The following UMAD1 variants were observed in gnomAD, a reference collection of about 807,000 sequenced individuals.
UMAD1 encodes the protein UBAP1-MVB12-associated (UMA) domain containing 1.
A neutral mutation model predicts 6.1 loss-of-function variants in UMAD1; 8 were observed. That is an observed-to-expected ratio of 1.30 (90% CI 0.76 to 2.35). The LOEUF is 2.35. Ranked by LOEUF, UMAD1 falls within the 30% of genes most tolerant of loss-of-function variation. The probability of loss-of-function intolerance (pLI) is 0.00; values close to 1 mark genes in which losing one functional copy is unlikely to be tolerated. For missense variants in UMAD1, 130 were observed against 78.4 expected, an observed-to-expected ratio of 1.66 and a Z score of -2.49; for synonymous variants, 56 against 31.4, an observed-to-expected ratio of 1.78 and a Z score of -2.61.
intron 2 of UMAD1, among the ~76,000 whole-genome samples, chr7:7,734,902 C>A (rs573729979): frequency 6.6e-6 from 1 of 152,188 alleles, no homozygotes; most frequent in Admixed American, 6.5e-5. Context: ...CAGGAAATAT[C>A]TAAGACTACT....
In UMAD1 at chr7:7,734,135, T is replaced by C. The variant is rs115216354; in HGVS notation, c.82+60682T>C. 5.4e-3 allele frequency among the ~76,000 whole-genome samples: 828 copies of C among 152,292 alleles called. 11 individuals are homozygous for C. The highest frequency in any genetic ancestry group is 0.019 in the African/African-American group (787 of 41,582). On this transcript the variant is annotated intron_variant, in intron 2 of 3. Transcript: ENST00000682710. The stretch of plus-strand genomic sequence containing the variant: ...ATTATCAAAGTTCTTTCAGAGTTAC[T>C]GCAGGGCTATAGGCTTAAGTTCTTT...
At chr7:7,647,412 A>G (rs910458259) in intron 1 of UMAD1, among the ~76,000 whole-genome samples, 4 of 152,232 alleles carry the variant, frequency 2.6e-5, no homozygotes, top group African/African-American at 7.2e-5. Flanking sequence ...TATTAGGAAC[A>G]TGGACAATTT....
chr7:7,786,757 C>G (rs1244694209), intron 2 of UMAD1, among the ~76,000 whole-genome samples: 1 of 152,164 alleles, frequency 6.6e-6, no homozygotes, highest in Non-Finnish European at 1.5e-5. Flanking sequence ...AGATGCCTTG[C>G]TCTCACTGGG....
chr7:7,772,727 C>T (rs1026244891), intron 2 of UMAD1, among the ~76,000 whole-genome samples: 3 of 152,148 alleles, frequency 2.0e-5, no homozygotes, highest in East Asian at 1.9e-4. Context: ...GGAGCAGCTG[C>T]GCCCGTTTTC....
At chr7:7,732,392 A>G (rs1781276440) in intron 2 of UMAD1, among the ~76,000 whole-genome samples, 1 of 152,162 alleles carries the variant, frequency 6.6e-6, no homozygotes, top group Non-Finnish European at 1.5e-5. Flanking sequence ...AACCTGGGAT[A>G]AATAATAAAG....
chr7:7,757,610 C>T (rs1781802543), intron 2 of UMAD1, among the ~76,000 whole-genome samples: 1 of 152,180 alleles, frequency 6.6e-6, no homozygotes, highest in Non-Finnish European at 1.5e-5. Flanking sequence ...TGGTCATTCT[C>T]ATTTTAGATA....
chr7:7,823,521 A>G (rs549149752), intron 3 of UMAD1, among the ~76,000 whole-genome samples: 1 of 152,104 alleles, frequency 6.6e-6, no homozygotes, highest in South Asian at 2.1e-4. Flanking sequence ...CGTTTGCCCA[A>G]TTTTTTTGAA....
At chr7:7,688,145 G>T (rs529674318) in intron 2 of UMAD1, among the ~76,000 whole-genome samples, 2 of 152,268 alleles carry the variant, frequency 1.3e-5, no homozygotes, top group African/African-American at 4.8e-5. Flanking sequence ...TATTTTTGGG[G>T]GGAGAACATT....
In UMAD1 at chr7:7,877,358, C is replaced by G; in HGVS notation, c.234C>G (p.Asn78Lys). 1.4e-6 allele frequency: 1 copy of G among 717,542 alleles called. No individual in the cohort carries two copies. Among genetic ancestry groups the G allele is most frequent in the South Asian group, 1.5e-5 (1 of 67,608 alleles). 44.4% of individuals were successfully genotyped at this position (717,542 alleles called of 1,614,324 possible). A position where few individuals can be genotyped will look rare whatever the true frequency, so the allele number is the denominator to read the frequency against. ...ATAAGGCAGGCCAGACTCTGGAGAACAGCTCATTAATGGCCGAGCTCCTGA... is the reference window on the plus strand; with the variant it reads ...ATAAGGCAGGCCAGACTCTGGAGAAGAGCTCATTAATGGCCGAGCTCCTGA... ...MENKAGQTLENSSLMAELLSD... is the reference protein window; with the variant it reads ...MENKAGQTLEKSSLMAELLSD... The change falls in exon 4 of 4, where the codon AAC becomes AAG. Residue 78 changes from asparagine (N) to lysine (K), a missense_variant. Coordinates refer to ENST00000682710, the MANE Select transcript of UMAD1 (RefSeq NM_001302348.2).
chr7:7,838,202 A>G (rs1783607358), intron 3 of UMAD1, among the ~76,000 whole-genome samples: 1 of 152,180 alleles, frequency 6.6e-6, no homozygotes, highest in African/African-American at 2.4e-5. Flanking sequence ...GGGCGCATAT[A>G]GTCTGTTTTG....
chr7:7,816,052 G>A (rs1156649393), intron 3 of UMAD1, among the ~76,000 whole-genome samples: 1 of 151,994 alleles, frequency 6.6e-6, no homozygotes, highest in African/African-American at 2.4e-5. Flanking sequence ...AAAAAATCTT[G>A]GATAAGCTAA....
intron 2 of UMAD1, among the ~76,000 whole-genome samples, chr7:7,745,231 T>G (rs1300875740): frequency 6.6e-6 from 1 of 152,098 alleles, no homozygotes; most frequent in African/African-American, 2.4e-5. Flanking sequence ...GAGGGGAGGT[T>G]GGCCTTGCTG....
chr7:7,843,742 A>C lies in UMAD1; in HGVS notation c.157-33539A>C, dbSNP rs527849915. On this transcript the variant is annotated intron_variant, in intron 3 of 3. Coordinates refer to ENST00000682710, the MANE Select transcript of UMAD1 (RefSeq NM_001302348.2). Reference sequence around the variant, plus strand: ...AGTGAGGATTCCTTATCACTTTGTGATTCTTAGATAAAATCCTTTCCATCC... The same window carrying C: ...AGTGAGGATTCCTTATCACTTTGTGCTTCTTAGATAAAATCCTTTCCATCC... 4.6e-5 allele frequency among the ~76,000 whole-genome samples: 7 copies of C among 152,268 alleles called. No individual in the cohort carries two copies. The East Asian group carries it at 1.4e-3, about 29-fold the overall frequency.
rs557762237 is a variant in UMAD1, at chr7:7,729,227, C to G, written c.82+55774C>G. On this transcript the variant is annotated intron_variant, in intron 2 of 3. Transcript: ENST00000682710. ...GCCCTTCCACTGATGTGCAGAGAGCCAGGATGGAGCATGGAACATGATGAG... is the reference window on the plus strand; with the variant it reads ...GCCCTTCCACTGATGTGCAGAGAGCGAGGATGGAGCATGGAACATGATGAG... 5.0e-4 allele frequency among the ~76,000 whole-genome samples: 76 copies of G among 152,182 alleles called. 1 individual carries two copies. Among genetic ancestry groups the G allele is most frequent in the African/African-American group, 1.7e-3 (72 of 41,496 alleles).
rs547101608 is a variant in UMAD1, at chr7:7,833,027, G to C, written c.156+31284G>C. On this transcript the variant is annotated intron_variant, in intron 3 of 3. Transcript: ENST00000682710. The stretch of plus-strand genomic sequence containing the variant: ...CAGAAAAGAGTGATTTGTCTTGCTA[G>C]AGTTGTAGTTATCTTGCAAAGGAAG... Among the ~76,000 whole-genome samples the C allele has an allele frequency of 8.7e-4, 132 of 152,316 alleles. 1 individual carries two copies. The South Asian group carries it at 0.025, about 29-fold the overall frequency.
At chr7:7,838,308 T>C (rs755537350) in intron 3 of UMAD1, among the ~76,000 whole-genome samples, 1 of 151,982 alleles carries the variant, frequency 6.6e-6, no homozygotes, top group Non-Finnish European at 1.5e-5. Flanking sequence ...ACCTCTGAAA[T>C]AGAGAGTAAA....
chr7:7,724,416 G>A (rs1213553368), intron 2 of UMAD1, among the ~76,000 whole-genome samples: 1 of 152,118 alleles, frequency 6.6e-6, no homozygotes, highest in African/African-American at 2.4e-5. Context: ...CTTAGTAGCT[G>A]GCAGAACCCC....
chr7:7,790,497 G>C (rs1453793225), intron 2 of UMAD1, among the ~76,000 whole-genome samples: 2 of 152,160 alleles, frequency 1.3e-5, no homozygotes, highest in Non-Finnish European at 2.9e-5. Context: ...CTTGGATTCA[G>C]GCCCATTCAG....
intron 3 of UMAD1, among the ~76,000 whole-genome samples, chr7:7,831,287 T>G (rs1783462034): frequency 6.6e-6 from 1 of 152,238 alleles, no homozygotes; most frequent in Admixed American, 6.5e-5. Flanking sequence ...TTACAGAAAT[T>G]TATTCTTGTT....
Sources: allele counts gnomAD v4.1 joint callset (sites outside exome capture counted in the v4.1 genomes callset), GRCh38; gene constraint gnomAD v4.1.1; transcripts MANE v1.5; gene names NCBI Gene and HGNC (gene_info 2026-07-23, HGNC 2026-07-21).